FXR1: variants seen among roughly 807,000 people sequenced by gnomAD.
The protein encoded by FXR1 is FMR1 autosomal homolog 1.
Under a neutral mutation model 84.0 loss-of-function variants are expected in FXR1, and 15 were observed. The ratio of observed to expected loss-of-function variants is 0.18; its 90% CI spans 0.12 to 0.27. The LOEUF (loss-of-function observed/expected upper bound fraction) is 0.27. Ranked by LOEUF, FXR1 falls within the 10% of genes least tolerant of loss-of-function variation. The pLI, the probability that FXR1 is intolerant of heterozygous loss-of-function variation, is 1.00. For missense variants in FXR1, 480 were observed against 774.4 expected (o/e 0.62, Z 4.51); for synonymous variants, 245 against 250.7 (o/e 0.98, Z 0.21).
chr3:180,951,554 A>G (rs1722233352), intron 8 of FXR1, 86 bp downstream of exon 8: 8 of 993,926 alleles, frequency 8.0e-6, no homozygotes, highest in South Asian at 5.1e-5. Context: ...CCAGTTTCCC[A>G]TGAAACATTT....
intron 10 of FXR1, 56 bp downstream of exon 10, chr3:180,957,984 A>G (rs1711547952): frequency 1.4e-6 from 1 of 739,878 alleles, no homozygotes; most frequent in Admixed American, 2.4e-5. Flanking sequence ...TGGCCAACTT[A>G]ATAGTTGTAA....
intron 1 of FXR1, among the ~76,000 whole-genome samples, chr3:180,927,214 G>A (rs1719336285): frequency 6.6e-6 from 1 of 152,020 alleles, no homozygotes; most frequent in South Asian, 2.1e-4. Context: ...TCATCATTTG[G>A]TTCGTAGTGA....
intron 3 of FXR1, among the ~76,000 whole-genome samples, chr3:180,946,941 T>C (rs1721759094): frequency 6.6e-6 from 1 of 152,260 alleles, no homozygotes; most frequent in South Asian, 2.1e-4. Flanking sequence ...GAAGCTCTGC[T>C]GTGTCATAAG....
intron 13 of FXR1, among the ~76,000 whole-genome samples, chr3:180,966,245 G>A (rs1193789930): frequency 6.6e-6 from 1 of 152,152 alleles, no homozygotes; most frequent in Admixed American, 6.6e-5. Flanking sequence ...TTGAAAGTGA[G>A]TAATAGAAAT....
intron 10 of FXR1, among the ~76,000 whole-genome samples, chr3:180,960,895 A>G (rs1230877817): frequency 6.6e-6 from 1 of 152,236 alleles, no homozygotes; most frequent in South Asian, 2.1e-4. Flanking sequence ...AAGACAATTT[A>G]CAACAGTAAA....
intron 14 of FXR1, among the ~76,000 whole-genome samples, chr3:180,968,939 A>G (rs2108491814): frequency 6.6e-6 from 1 of 152,288 alleles, no homozygotes; most frequent in East Asian, 1.9e-4. Context: ...TATATTAAGG[A>G]TATAACTTTA....
chr3:180,955,640 G>A (rs1428939043), intron 9 of FXR1, among the ~76,000 whole-genome samples: 2 of 152,078 alleles, frequency 1.3e-5, no homozygotes, highest in African/African-American at 4.8e-5. Flanking sequence ...ATGTAATTTT[G>A]ACTTAACTAA....
intron 2 of FXR1, among the ~76,000 whole-genome samples, chr3:180,934,483 ATTGGT>A (rs1236708777): frequency 6.6e-6 from 1 of 152,234 alleles, no homozygotes; most frequent in Non-Finnish European, 1.5e-5. Flanking sequence ...TAACTGCTAA[ATTGGT>A]TTAATACATT....
In FXR1 at chr3:180,977,787, A is replaced by C. The variant is rs1714373848; in HGVS notation, c.*1495A>C. On this transcript the variant is annotated 3_prime_UTR_variant, in exon 17 of 17. Transcript: ENST00000357559. ...GTGTTAATTTTTTATGTGCATAAAA[A>C]TGTGATTTTAATTTATATGCTCTGA... 6.6e-6 allele frequency: 1 copy of C among 152,130 alleles called. No homozygotes were observed. The highest frequency in any genetic ancestry group is 1.5e-5 in the Non-Finnish European group (1 of 67,998). 9.4% of individuals were successfully genotyped at this position (152,130 alleles called of 1,614,324 possible).
rs773371655 is a variant in FXR1 at position 180,933,404 on chromosome 3, A to G, written c.104+18A>G. Reference sequence around the variant, plus strand: ...GAAAATAAGTAAGTTATTTTTGTTGACAAAGGCCTTAATTTTAGAGATGGC... The same window carrying G: ...GAAAATAAGTAAGTTATTTTTGTTGGCAAAGGCCTTAATTTTAGAGATGGC... On this transcript the variant is annotated intron_variant, in intron 2 of 16. Transcript: ENST00000357559. The G allele has an allele frequency of 1.4e-6, 2 of 1,453,186 alleles. No homozygotes were observed. Among genetic ancestry groups the G allele is most frequent in the Non-Finnish European group, 1.9e-6 (2 of 1,034,366 alleles). The allele number at this position is 1,453,186 out of a possible 1,614,324, so 90.0% of individuals were successfully genotyped here.
intron 13 of FXR1, among the ~76,000 whole-genome samples, chr3:180,965,194 T>A (rs1406865708): frequency 6.6e-6 from 1 of 152,036 alleles, no homozygotes. Context: ...TTTTGTATTT[T>A]TAGTAGAGAC....
At chr3:180,943,486 C>CA (rs1397669802) in intron 3 of FXR1, among the ~76,000 whole-genome samples, 1 of 151,948 alleles carries the variant, frequency 6.6e-6, no homozygotes, top group Admixed American at 6.6e-5. Flanking sequence ...AGGTTGGTCT[C>CA]AAACTCCTGA....
At chr3:180,966,134 C>T (rs1190778756) in intron 13 of FXR1, among the ~76,000 whole-genome samples, 1 of 152,010 alleles carries the variant, frequency 6.6e-6, no homozygotes, top group Non-Finnish European at 1.5e-5. Context: ...TTCATTACAA[C>T]TTTTATGACA....
chr3:180,912,709 T>G lies in FXR1; in HGVS notation c.24T>G (p.Val8=). The G allele has an allele frequency of 6.2e-7, 1 of 1,614,014 alleles. No homozygotes were observed. Among genetic ancestry groups the G allele is most frequent in the Non-Finnish European group, 8.5e-7 (1 of 1,179,984 alleles). The change falls in exon 1 of 17, where the codon GTT becomes GTG. Residue 8 remains valine, a synonymous_variant. Coordinates refer to ENST00000357559, the MANE Select transcript of FXR1 (RefSeq NM_005087.4). The part of the protein sequence containing the change: MAELTVE[V]RGSNGAFYKG... ...ACATGGCGGAGCTGACGGTGGAGGT[T>G]CGCGGCTCTAACGGGGCTTTCTACA...
intron 14 of FXR1, among the ~76,000 whole-genome samples, chr3:180,968,948 T>C (rs780056982): frequency 1.3e-5 from 2 of 152,204 alleles, no homozygotes; most frequent in Admixed American, 6.5e-5. Flanking sequence ...GATATAACTT[T>C]AACATATCAT....
Position 180,935,144 on chromosome 3 carries a change from A to G in FXR1, c.111A>G (p.Gln37=), listed in dbSNP as rs1720373586. 5 of 1,548,862 alleles carry G rather than the reference A, an allele frequency of 3.2e-6. No individual in the cohort carries two copies. Among genetic ancestry groups the G allele is most frequent in the East Asian group, 2.2e-5 (1 of 44,462 alleles). The change falls in exon 3 of 17, where the codon CAA becomes CAG. Residue 37 remains glutamine, a synonymous_variant. Transcript: ENST00000357559. ...SLTVVFENNW[Q]PERQVPFNEV... ...ACCTTTTCTAATCCTTCAGTTGGCAACCAGAACGCCAGGTTCCATTTAATG... is the reference window on the plus strand; with the variant it reads ...ACCTTTTCTAATCCTTCAGTTGGCAGCCAGAACGCCAGGTTCCATTTAATG...
Position 180,933,314 on chromosome 3 carries a change from A to C in FXR1, c.52-20A>C. On this transcript the variant is annotated intron_variant, in intron 1 of 16. Transcript: ENST00000357559. ...AGTGCTTTAATATCTATGCTTTTAT[A>C]ATGTTTTTGTGTCTTGCAGGGATTT... The C allele has an allele frequency of 6.9e-7, 1 of 1,456,930 alleles. No homozygotes were observed. The highest frequency in any genetic ancestry group is 9.6e-7 in the Non-Finnish European group (1 of 1,038,368). 90.3% of individuals were successfully genotyped at this position (1,456,930 alleles called of 1,614,324 possible).
Position 180,968,122 on chromosome 3 carries a change from T to C in FXR1, c.1270T>C (p.Leu424=). Residue 424 remains leucine (L), a synonymous_variant, in exon 14 of 17, where the codon TTG becomes CTG. Transcript: ENST00000357559. ...ERKDELSDWS[L]AGEDDRDSRH... ...TAAAGACGAGCTGAGTGATTGGTCA[T>C]TGGCAGGAGAAGATGATCGAGACAG... 6.2e-7 allele frequency: 1 copy of C among 1,613,620 alleles called. No homozygotes were observed. The highest frequency in any genetic ancestry group is 8.5e-7 in the Non-Finnish European group (1 of 1,179,564).
rs867993417 is a variant in FXR1 at position 180,933,267 on chromosome 3, A to G, written c.52-67A>G. On this transcript the variant is annotated intron_variant, in intron 1 of 16. Transcript: ENST00000357559. Reference sequence around the variant, plus strand: ...AGTACTCCCTATTATCTTTGAACTAATACAACCTTTTAGAGTTACGAAGTG... The same window carrying G: ...AGTACTCCCTATTATCTTTGAACTAGTACAACCTTTTAGAGTTACGAAGTG... The G allele has an allele frequency of 2.4e-5, 22 of 924,796 alleles. No individual in the cohort carries two copies. The Middle Eastern group carries it at 1.0e-3, about 43-fold the overall frequency. The allele number at this position is 924,796 out of a possible 1,614,324, so 57.3% of individuals were successfully genotyped here. A position where few individuals can be genotyped will look rare whatever the true frequency, so the allele number is the denominator to read the frequency against.
Sources: gnomAD v4.1 joint callset for allele counts (sites outside exome capture counted in the v4.1 genomes callset) on GRCh38, gnomAD v4.1.1 for gene constraint, MANE v1.5 for transcripts, NCBI Gene and HGNC (gene_info 2026-07-23, HGNC 2026-07-21) for gene names.